The following FNBP1L variants were observed in gnomAD, a reference collection of about 807,000 sequenced individuals.
The protein encoded by FNBP1L is formin-binding protein 1-like.
A neutral mutation model predicts 91.2 loss-of-function variants in FNBP1L; 36 were observed. The ratio of observed to expected loss-of-function variants is 0.39; its 90% CI spans 0.30 to 0.52. FNBP1L has a LOEUF of 0.52. FNBP1L is among the 20% of genes least tolerant of loss of function. The pLI is 0.66. For missense variants in FNBP1L, 571 were observed against 732.1 expected (o/e 0.78, Z 2.54); for synonymous variants, 242 against 237.0 (o/e 1.02, Z -0.19).
chr1:93,506,621 A>G (rs945544335), intron 2 of FNBP1L, among the ~76,000 whole-genome samples: 3 of 152,188 alleles, frequency 2.0e-5, no homozygotes, highest in Non-Finnish European at 4.4e-5. Context: ...TAAATAGGAT[A>G]TTGATCACCT....
chr1:93,513,492 T>G (rs1413327528), intron 2 of FNBP1L, among the ~76,000 whole-genome samples: 1 of 151,900 alleles, frequency 6.6e-6, no homozygotes, highest in African/African-American at 2.4e-5. Flanking sequence ...ACCAATATCC[T>G]TGATGAACAT....
At chr1:93,530,957 C>T in intron 7 of FNBP1L, 74 bp downstream of exon 7, 1 of 1,209,024 alleles carries the variant, frequency 8.3e-7, no homozygotes, top group Non-Finnish European at 1.1e-6. Context: ...AAGTCTTAGA[C>T]ATCAGAATCT....
At chr1:93,500,514 A>G (rs1670410385) in intron 2 of FNBP1L, among the ~76,000 whole-genome samples, 1 of 150,152 alleles carries the variant, frequency 6.7e-6, no homozygotes, top group South Asian at 2.1e-4. Flanking sequence ...GGATGGAAGT[A>G]AGGGAAAATG....
intron 1 of FNBP1L, among the ~76,000 whole-genome samples, chr1:93,483,738 A>G (rs1419274143): frequency 1.3e-5 from 2 of 152,230 alleles, no homozygotes; most frequent in Non-Finnish European, 2.9e-5. Context: ...AGTTATTCCC[A>G]TGAATATACC....
chr1:93,490,823 TATTTGCTGATG>T (rs1670067546), intron 1 of FNBP1L, among the ~76,000 whole-genome samples: 1 of 152,236 alleles, frequency 6.6e-6, no homozygotes, highest in Admixed American at 6.5e-5. Context: ...AGTCCCAAAG[TATTTGCTGATG>T]TGGAGCCAGG....
intron 1 of FNBP1L, among the ~76,000 whole-genome samples, chr1:93,474,245 A>AC (rs1669413598): frequency 6.6e-6 from 1 of 151,000 alleles, no homozygotes; most frequent in African/African-American, 2.4e-5. Flanking sequence ...TCCGTCTCAA[A>AC]AAAAACAAAA....
intron 2 of FNBP1L, among the ~76,000 whole-genome samples, chr1:93,511,549 A>G (rs1053827236): frequency 2.0e-5 from 3 of 152,222 alleles, no homozygotes; most frequent in African/African-American, 7.2e-5. Flanking sequence ...TGCATCAACT[A>G]ATGAGCAAAA....
rs1557816314 is a variant in FNBP1L, at chr1:93,536,325, A to G, written c.991-7A>G. ...CTTATTGATTCCTTTCTTTATTTCC[A>G]TATTAGCCACAGTCCCCACCCTTAA... is the stretch of plus-strand genomic sequence containing the variant. On this transcript the variant is annotated splice_polypyrimidine_tract_variant and splice_region_variant and intron_variant, in intron 9 of 16. Transcript: ENST00000271234. 18 of 1,456,120 alleles carry G rather than the reference A, an allele frequency of 1.2e-5. No individual in the cohort carries two copies. The highest frequency in any genetic ancestry group is 2.6e-5 in the East Asian group (1 of 38,308). The allele number at this position is 1,456,120 out of a possible 1,614,324, so 90.2% of individuals were successfully genotyped here. A position where few individuals can be genotyped will look rare whatever the true frequency, so the allele number is the denominator to read the frequency against.
chr1:93,477,724 A>G (rs1669546950), intron 1 of FNBP1L, among the ~76,000 whole-genome samples: 2 of 152,356 alleles, frequency 1.3e-5, no homozygotes, highest in South Asian at 2.1e-4. Context: ...CAGTAAAGGC[A>G]GATAAGCAGA....
intron 12 of FNBP1L, among the ~76,000 whole-genome samples, chr1:93,546,303 A>C (rs1672233332): frequency 6.6e-6 from 1 of 152,108 alleles, no homozygotes; most frequent in Non-Finnish European, 1.5e-5. Flanking sequence ...AGTCAAGGAC[A>C]GCTAATTGAG....
rs1437769636 is a variant in FNBP1L at position 93,553,100 on chromosome 1, A to G, written c.*684A>G. Reference sequence around the variant, plus strand: ...GAACCTGAAGTATTTATGATAAGAAAAAGAAAACATCTCTGCTGTAGCCTA... The same window carrying G: ...GAACCTGAAGTATTTATGATAAGAAGAAGAAAACATCTCTGCTGTAGCCTA... On this transcript the variant is annotated 3_prime_UTR_variant, in exon 17 of 17. Coordinates refer to ENST00000271234, the MANE Select transcript of FNBP1L (RefSeq NM_001164473.3). 1.3e-5 allele frequency: 2 copies of G among 152,658 alleles called. No homozygotes were observed. Among genetic ancestry groups the G allele is most frequent in the African/African-American group, 4.8e-5 (2 of 41,454 alleles). 9.5% of individuals were successfully genotyped at this position (152,658 alleles called of 1,614,324 possible). A position where few individuals can be genotyped will look rare whatever the true frequency, so the allele number is the denominator to read the frequency against.
At chr1:93,499,860 G>T (rs1044811423) in intron 2 of FNBP1L, among the ~76,000 whole-genome samples, 1 of 152,140 alleles carries the variant, frequency 6.6e-6, no homozygotes, top group Non-Finnish European at 1.5e-5. Flanking sequence ...AAATATCTGC[G>T]TGTTATTCTG....
intron 1 of FNBP1L, among the ~76,000 whole-genome samples, chr1:93,495,503 A>AT (rs1670232708): frequency 6.6e-6 from 1 of 152,260 alleles, no homozygotes; most frequent in African/African-American, 2.4e-5. Flanking sequence ...TCCACAGAAT[A>AT]TTAAGTTATA....
chr1:93,448,844 A>G (rs1346768023), intron 1 of FNBP1L, among the ~76,000 whole-genome samples: 1 of 152,092 alleles, frequency 6.6e-6, no homozygotes, highest in Non-Finnish European at 1.5e-5. Context: ...ATGGGGACCC[A>G]GGCGGCTTTG....
intron 10 of FNBP1L, among the ~76,000 whole-genome samples, chr1:93,539,122 A>G (rs1671942632): frequency 6.6e-6 from 1 of 152,032 alleles, no homozygotes; most frequent in Admixed American, 6.6e-5. Flanking sequence ...TAAGTTATTT[A>G]TTTAGCAATG....
chr1:93,471,405 TTCTTA>T (rs1249474244), intron 1 of FNBP1L, among the ~76,000 whole-genome samples: 22 of 152,328 alleles, frequency 1.4e-4, no homozygotes, highest in South Asian at 6.2e-4. Context: ...AAGAACCTAA[TTCTTA>T]TCCAGGCACT....
At chr1:93,537,170 T>C (rs1032211114) in intron 10 of FNBP1L, among the ~76,000 whole-genome samples, 3 of 152,144 alleles carry the variant, frequency 2.0e-5, no homozygotes, top group Non-Finnish European at 2.9e-5. Context: ...TTTTCTTGTT[T>C]ATGTTTGATT....
Position 93,537,827 on chromosome 1 carries a change from C to T in FNBP1L, c.1149+1337C>T, listed in dbSNP as rs1270477746. Among the ~76,000 whole-genome samples the T allele has an allele frequency of 2.6e-5, 4 of 152,178 alleles. No homozygotes were observed. The South Asian group carries it at 8.3e-4, about 32-fold the overall frequency. ...GCTAGAACTCATTCCCATGTTGCTTCCCTATGGCAGTTTATTTATTACTTA... is the reference window on the plus strand; with the variant it reads ...GCTAGAACTCATTCCCATGTTGCTTTCCTATGGCAGTTTATTTATTACTTA... On this transcript the variant is annotated intron_variant, in intron 10 of 16. Transcript: ENST00000271234.
At chr1:93,521,045 AAACC>A (rs56108498) in intron 2 of FNBP1L, among the ~76,000 whole-genome samples, 149,194 of 150,926 alleles carry the variant, frequency 0.99, 73,749 homozygotes, top group East Asian at 1. Flanking sequence ...CCATCTCAAT[AAACC>A]AACCAACCAA....
Sources: allele counts gnomAD v4.1 joint callset (sites outside exome capture counted in the v4.1 genomes callset), GRCh38; gene constraint gnomAD v4.1.1; transcripts MANE v1.5; gene names NCBI Gene and HGNC (gene_info 2026-07-23, HGNC 2026-07-21).